MAST4: variants seen among roughly 807,000 people sequenced by gnomAD.
MAST4 encodes the protein microtubule associated serine/threonine kinase family member 4, also known as microtubule-associated serine/threonine-protein kinase 4.
In MAST4, 89 loss-of-function variants were observed where a neutral mutation model predicts 162.7. That is an observed-to-expected ratio of 0.55 (90% CI 0.46 to 0.65). MAST4 has a LOEUF of 0.65. Ranked by LOEUF, MAST4 falls within the 30% of genes least tolerant of loss-of-function variation. The pLI, the probability that MAST4 is intolerant of heterozygous loss-of-function variation, is 0.00. For missense variants in MAST4, 3,153 were observed against 3,374.0 expected (o/e 0.93, Z 1.62); for synonymous variants, 1,479 against 1,361.1 (o/e 1.09, Z -1.91).
At chr5:66,658,011 A>C (rs1175347437) in intron 1 of MAST4, among the ~76,000 whole-genome samples, 1 of 152,200 alleles carries the variant, frequency 6.6e-6, no homozygotes, top group Non-Finnish European at 1.5e-5. Flanking sequence ...GTACGCATGT[A>C]TATATTTATG....
At chr5:66,916,557 A>T (rs1764132256) in intron 4 of MAST4, among the ~76,000 whole-genome samples, 1 of 152,208 alleles carries the variant, frequency 6.6e-6, no homozygotes, top group Non-Finnish European at 1.5e-5. Context: ...AGAGGAGGTA[A>T]ATGATCTCCA....
At chr5:66,943,129 A>G (rs1743559837) in intron 4 of MAST4, among the ~76,000 whole-genome samples, 1 of 152,092 alleles carries the variant, frequency 6.6e-6, no homozygotes, top group South Asian at 2.1e-4. Flanking sequence ...GTGAAATGCA[A>G]ACATTCAAAC....
intron 3 of MAST4, among the ~76,000 whole-genome samples, chr5:66,836,536 A>G (rs1179809884): frequency 1.3e-5 from 2 of 152,302 alleles, no homozygotes; most frequent in African/African-American, 4.8e-5. Context: ...ATGACATGGA[A>G]TCAACCTAAA....
intron 3 of MAST4, among the ~76,000 whole-genome samples, chr5:66,798,811 C>T (rs186575325): frequency 2.6e-4 from 39 of 152,192 alleles, no homozygotes; most frequent in Admixed American, 7.8e-4. Flanking sequence ...AGAGATGCAT[C>T]CTGCCTTGTT....
chr5:67,078,937 T>TATATATATATA lies in MAST4; in HGVS notation c.764-11224_764-11214dup. Among the ~76,000 whole-genome samples, 2 of 95,364 alleles carry TATATATATATA rather than the reference T, an allele frequency of 2.1e-5. 1 individual carries two copies. Among genetic ancestry groups the TATATATATATA allele is most frequent in the South Asian group, 6.1e-4 (2 of 3,296 alleles). The allele number at this position is 95,364 out of a possible 152,430, so 62.6% of individuals were successfully genotyped here. Reference sequence around the variant, plus strand: ...ATATATATATATATATATATATATATATATATATATATATGGCAATCTGAT... The same window carrying TATATATATATA: ...ATATATATATATATATATATATATATATATATATATAATATATATATATATGGCAATCTGAT... On this transcript the variant is annotated intron_variant, in intron 5 of 28. Transcript: ENST00000403625.
chr5:67,007,457 T>C (rs1752177213), intron 4 of MAST4, among the ~76,000 whole-genome samples: 1 of 152,208 alleles, frequency 6.6e-6, no homozygotes, highest in Non-Finnish European at 1.5e-5. Flanking sequence ...ACTTAGTTCC[T>C]CTCCTGCACA....
At chr5:66,865,819 A>T (rs572143656) in intron 3 of MAST4, among the ~76,000 whole-genome samples, 1 of 152,304 alleles carries the variant, frequency 6.6e-6, no homozygotes, top group South Asian at 2.1e-4. Flanking sequence ...TCACGCCTGT[A>T]ATCCCAGCAC....
In MAST4 at chr5:67,091,156, CAT is replaced by C. The variant is rs1408316873; in HGVS notation, c.833+926_833+927del. On this transcript the variant is annotated intron_variant, in intron 6 of 28. Coordinates refer to ENST00000403625, the MANE Select transcript of MAST4 (RefSeq NM_001164664.2). ...TTAAAAAAAAATACTTGTTCTTACA[CAT>C]GTGACTAACTAGCAAAACTTGCAGT... 2.0e-5 allele frequency among the ~76,000 whole-genome samples: 3 copies of C among 152,268 alleles called. No individual in the cohort carries two copies. The South Asian group carries it at 6.2e-4, about 32-fold the overall frequency.
chr5:67,131,106 C>T (rs554287938), intron 15 of MAST4, among the ~76,000 whole-genome samples: 1 of 152,024 alleles, frequency 6.6e-6, no homozygotes, highest in African/African-American at 2.4e-5. Flanking sequence ...TTTAGTTTAA[C>T]CTTTGCATTT....
At chr5:66,869,311 A>T (rs1332654902) in intron 3 of MAST4, among the ~76,000 whole-genome samples, 1 of 152,228 alleles carries the variant, frequency 6.6e-6, no homozygotes, top group Non-Finnish European at 1.5e-5. Flanking sequence ...TGTATTTCTC[A>T]TGTGAAAACT....
At chr5:67,043,174 G>T (rs557182729) in intron 4 of MAST4, among the ~76,000 whole-genome samples, 1 of 152,232 alleles carries the variant, frequency 6.6e-6, no homozygotes, top group South Asian at 2.1e-4. Context: ...TTTTTGGTTA[G>T]TGATTAGCTA....
chr5:67,126,026 G>T (rs1431344174), intron 14 of MAST4, among the ~76,000 whole-genome samples: 1 of 152,094 alleles, frequency 6.6e-6, no homozygotes, highest in African/African-American at 2.4e-5. Flanking sequence ...ATGTTTGTTG[G>T]CTGCATAAAT....
At chr5:66,787,189 G>C (rs970562358) in intron 2 of MAST4, among the ~76,000 whole-genome samples, 2 of 152,088 alleles carry the variant, frequency 1.3e-5, no homozygotes, top group African/African-American at 4.8e-5. Flanking sequence ...AAAATTCTCT[G>C]ATCCCCTCAA....
chr5:66,957,159 G>A (rs1745415631), intron 4 of MAST4, among the ~76,000 whole-genome samples: 1 of 152,152 alleles, frequency 6.6e-6, no homozygotes, highest in African/African-American at 2.4e-5. Flanking sequence ...TGTTTCCTGA[G>A]ATGAAGGTCT....
rs187095365 is a variant in MAST4, at chr5:67,163,857, G to A, written c.4678G>A (p.Asp1560Asn). The change falls in exon 29 of 29, where the codon GAT becomes AAT. Residue 1560 changes from aspartate to asparagine, a missense_variant. Transcript: ENST00000403625. The surrounding 1 kb of genome is among the most constrained non-coding windows in gnomAD (Gnocchi z 7.0). ...SHQKSHGPGS[D>N]LENFALFKLE... ...CCAGAAATCCCATGGACCCGGGAGT[G>A]ATTTGGAAAACTTTGCTCTGTTTAA... 6 of 1,613,952 alleles carry A rather than the reference G, an allele frequency of 3.7e-6. No individual in the cohort carries two copies. Among genetic ancestry groups the A allele is most frequent in the Non-Finnish European group, 5.1e-6 (6 of 1,179,848 alleles).
intron 27 of MAST4, among the ~76,000 whole-genome samples, chr5:67,162,017 G>A (rs1773234988): frequency 6.6e-6 from 1 of 152,162 alleles, no homozygotes. Flanking sequence ...TTCTGCTGCA[G>A]TACAGTGTCT....
chr5:67,036,596 C>G (rs544858745), intron 4 of MAST4, among the ~76,000 whole-genome samples: 1 of 152,216 alleles, frequency 6.6e-6, no homozygotes, highest in African/African-American at 2.4e-5. Context: ...TACCCATATC[C>G]TCCTATATAC....
Position 67,166,732 on chromosome 5 carries a change from G to T in MAST4, c.7553G>T (p.Ser2518Ile). ...GAGGGCCGAACCCACATGACAAAGA[G>T]TGACTCCCTGCCCTCCTTCCGGGTC... ...AGEGRTHMTK[S>I]DSLPSFRVST... The change falls in exon 29 of 29, where the codon AGT becomes ATT. Residue 2518 changes from serine (S) to isoleucine (I), a missense_variant. Physicochemically the swap from Ser to Ile is moderately radical, Grantham distance 142. Around this residue, in one of 7 missense-constraint regions of MAST4, gnomAD observed 1,644 missense variants for 1,495.0 expected, o/e 1.10. Transcript: ENST00000403625. 1.3e-6 allele frequency: 2 copies of T among 1,590,572 alleles called. No homozygotes were observed. Among genetic ancestry groups the T allele is most frequent in the Non-Finnish European group, 1.7e-6 (2 of 1,168,820 alleles).
intron 11 of MAST4, among the ~76,000 whole-genome samples, chr5:67,112,111 A>G (rs935422936): frequency 2.6e-5 from 4 of 151,810 alleles, no homozygotes; most frequent in African/African-American, 9.7e-5. Flanking sequence ...TGAAATGCTG[A>G]GATTCCAAAG....
Sources: gnomAD v4.1 joint callset for allele counts (sites outside exome capture counted in the v4.1 genomes callset) on GRCh38, gnomAD v4.1.1 for gene constraint, gnomAD v4.1.1 regional missense constraint, Gnocchi (gnomAD v3.1) non-coding constraint, MANE v1.5 for transcripts, NCBI Gene and HGNC (gene_info 2026-07-23, HGNC 2026-07-21) for gene names.